PICALM: variants seen among roughly 807,000 people sequenced by gnomAD.
PICALM encodes the protein phosphatidylinositol binding clathrin assembly protein, also known as phosphatidylinositol-binding clathrin assembly protein.
In PICALM, 40 loss-of-function variants were observed where a neutral mutation model predicts 80.5. That is an observed-to-expected ratio of 0.50 (90% confidence interval 0.39 to 0.65). The LOEUF is 0.65. PICALM is among the 30% of genes least tolerant of loss of function. The probability of loss-of-function intolerance (pLI) is 0.00; values close to 1 mark genes in which losing one functional copy is unlikely to be tolerated. For synonymous variants in PICALM, 288 were observed against 260.3 expected, an observed-to-expected ratio of 1.11 and a Z score of -1.02; for missense variants, 676 against 778.9, an observed-to-expected ratio of 0.87 and a Z score of 1.57.
rs146806937 is a variant in PICALM, at chr11:86,043,594, C to T, written c.131-11983G>A. ...TAACTTTGTTAAATTCTCAGGAATC[C>T]TGTCTCTTTGTATCTTCCACAATGT... On this transcript the variant is annotated intron_variant, in intron 1 of 19. Transcript: ENST00000393346. Among the ~76,000 whole-genome samples the T allele has an allele frequency of 3.1e-3, 474 of 152,238 alleles. 4 individuals are homozygous for T. Among genetic ancestry groups the T allele is most frequent in the South Asian group, 0.011 (51 of 4,816 alleles).
chr11:86,017,103 G>A (rs932043583), intron 4 of PICALM, among the ~76,000 whole-genome samples: 1 of 151,924 alleles, frequency 6.6e-6, no homozygotes, highest in Non-Finnish European at 1.5e-5. Context: ...TGCGCCTATA[G>A]TCCCAGATAC....
At chr11:86,010,432 T>C (rs2136265615) in intron 7 of PICALM, among the ~76,000 whole-genome samples, 1 of 152,100 alleles carries the variant, frequency 6.6e-6, no homozygotes, top group South Asian at 2.1e-4. Flanking sequence ...GCTCAAGTGA[T>C]TCTCCTGCCT....
At chr11:86,008,813 G>A (rs748738579) in intron 7 of PICALM, among the ~76,000 whole-genome samples, 45 of 151,780 alleles carry the variant, frequency 3.0e-4, no homozygotes, top group Non-Finnish European at 6.0e-4. Flanking sequence ...GACTCTGGCC[G>A]GGCGCGGTGG....
chr11:85,990,616 T>A (rs2094738651), intron 12 of PICALM, among the ~76,000 whole-genome samples: 1 of 152,174 alleles, frequency 6.6e-6, no homozygotes, highest in African/African-American at 2.4e-5. Flanking sequence ...AATCCTTTTA[T>A]TTGTTAACAC....
At chr11:86,022,151 A>T (rs1159156700) in intron 4 of PICALM, among the ~76,000 whole-genome samples, 1 of 152,188 alleles carries the variant, frequency 6.6e-6, no homozygotes, top group Non-Finnish European at 1.5e-5. Context: ...TTAAAATGAT[A>T]AATTTTGTTA....
At chr11:86,025,389 A>T (rs1187405060) in intron 3 of PICALM, among the ~76,000 whole-genome samples, 2 of 151,900 alleles carry the variant, frequency 1.3e-5, no homozygotes, top group Non-Finnish European at 2.9e-5. Context: ...ACAGAACGAG[A>T]CTTCGTCTCA....
In PICALM at chr11:85,974,927, G is replaced by C. The variant is rs184790466; in HGVS notation, c.1840-115C>G. The C allele has an allele frequency of 6.0e-3, 4,389 of 725,552 alleles. 32 individuals carry two copies. The highest frequency in any genetic ancestry group is 9.0e-3 in the Non-Finnish European group (3,627 of 402,480). 44.9% of individuals were successfully genotyped at this position (725,552 alleles called of 1,614,324 possible). A position where few individuals can be genotyped will look rare whatever the true frequency, so the allele number is the denominator to read the frequency against. On this transcript the variant is annotated intron_variant, in intron 18 of 19. Coordinates refer to ENST00000393346, the MANE Select transcript of PICALM (RefSeq NM_007166.4). The stretch of plus-strand genomic sequence containing the variant: ...CTAGTACCTTTGCTTGACTCAAAGG[G>C]TAACTTCCTCTGAATATAAGTAAGA...
chr11:86,024,886 T>C (rs2095625410), intron 3 of PICALM, among the ~76,000 whole-genome samples: 1 of 152,192 alleles, frequency 6.6e-6, no homozygotes, highest in Admixed American at 6.5e-5. Flanking sequence ...CATCCTTCTC[T>C]TGAAGCCCAG....
intron 17 of PICALM, among the ~76,000 whole-genome samples, chr11:85,979,156 T>A (rs2094365740): frequency 2.0e-5 from 3 of 152,166 alleles, no homozygotes; most frequent in African/African-American, 4.8e-5. Flanking sequence ...TGTATTTGTG[T>A]GTATAAAAAT....
At chr11:86,055,043 C>T (rs2096248133) in intron 1 of PICALM, among the ~76,000 whole-genome samples, 2 of 151,964 alleles carry the variant, frequency 1.3e-5, no homozygotes, top group Admixed American at 6.6e-5. Context: ...TAAAAAATTG[C>T]TTGCTGGCTG....
chr11:86,023,805 CTATAATA>C (rs1188136422), intron 3 of PICALM, among the ~76,000 whole-genome samples: 2 of 152,084 alleles, frequency 1.3e-5, no homozygotes, highest in African/African-American at 4.8e-5. Context: ...CCATTTTTAT[CTATAATA>C]TATATCTGGC....
intron 13 of PICALM, among the ~76,000 whole-genome samples, chr11:85,988,416 C>A (rs1203326891): frequency 6.6e-6 from 1 of 151,782 alleles, no homozygotes; most frequent in East Asian, 1.9e-4. Context: ...TATAAAAACT[C>A]ATTTTAAGAA....
intron 12 of PICALM, among the ~76,000 whole-genome samples, chr11:85,991,666 TAAAA>T (rs11310524): frequency 7.1e-6 from 1 of 141,598 alleles, no homozygotes; most frequent in East Asian, 2.0e-4. Flanking sequence ...CAATTCACAC[TAAAA>T]AAAAAAAAGT....
chr11:86,043,449 T>G (rs184266799), intron 1 of PICALM, among the ~76,000 whole-genome samples: 1 of 152,196 alleles, frequency 6.6e-6, no homozygotes, highest in Non-Finnish European at 1.5e-5. Flanking sequence ...CTGGGGGAGT[T>G]AGAGACATTA....
intron 16 of PICALM, 90 bp downstream of exon 16, chr11:85,981,655 G>T: frequency 6.7e-6 from 6 of 900,732 alleles, no homozygotes; most frequent in Admixed American, 2.1e-5. Context: ...ACATATTTTT[G>T]AGAGGAAAGC....
At chr11:85,966,321 T>C (rs1425086368) in intron 19 of PICALM, among the ~76,000 whole-genome samples, 3 of 152,072 alleles carry the variant, frequency 2.0e-5, no homozygotes, top group African/African-American at 4.8e-5. Flanking sequence ...ATCCTTCCAC[T>C]TTAGCCTCCA....
At chr11:86,042,445 C>T (rs144774321) in intron 1 of PICALM, among the ~76,000 whole-genome samples, 51 of 152,038 alleles carry the variant, frequency 3.4e-4, no homozygotes, top group African/African-American at 1.1e-3. Context: ...TATTACAGTG[C>T]TCCAACATGA....
intron 19 of PICALM, among the ~76,000 whole-genome samples, chr11:85,967,233 G>C (rs2093931649): frequency 6.6e-6 from 1 of 152,180 alleles, no homozygotes; most frequent in African/African-American, 2.4e-5. Flanking sequence ...GTAAATGTGA[G>C]ACAATACATT....
intron 1 of PICALM, among the ~76,000 whole-genome samples, chr11:86,051,489 C>G (rs902762483): frequency 1.3e-5 from 2 of 151,986 alleles, no homozygotes; most frequent in Admixed American, 1.3e-4. Flanking sequence ...GGTGAAACCC[C>G]ATCTCTACTA....
Sources: allele counts gnomAD v4.1 joint callset (sites outside exome capture counted in the v4.1 genomes callset), GRCh38; gene constraint gnomAD v4.1.1; transcripts MANE v1.5; gene names NCBI Gene and HGNC (gene_info 2026-07-23, HGNC 2026-07-21).